NR3C2: variants seen among roughly 807,000 people sequenced by gnomAD.
NR3C2 encodes mineralocorticoid receptor.
Under a neutral mutation model 86.4 loss-of-function variants are expected in NR3C2, and 15 were observed. The observed-to-expected ratio is 0.17, with a 90% confidence interval of 0.12 to 0.27. NR3C2 has a LOEUF of 0.27. Ranked by LOEUF, NR3C2 falls within the 10% of genes least tolerant of loss-of-function variation. The probability of loss-of-function intolerance (pLI) is 1.00; values close to 1 mark genes in which losing one functional copy is unlikely to be tolerated. For missense variants in NR3C2, 960 were observed against 1,195.6 expected (o/e 0.80, Z 2.91); for synonymous variants, 458 against 450.5 (o/e 1.02, Z -0.21).
At chr4:148,120,571 G>A (rs1732467551) in intron 6 of NR3C2, among the ~76,000 whole-genome samples, 1 of 152,202 alleles carries the variant, frequency 6.6e-6, no homozygotes, top group African/African-American at 2.4e-5. Flanking sequence ...TTTATGTCAA[G>A]AGTAATACTG....
intron 3 of NR3C2, chr4:148,208,543 C>T (rs984438983): frequency 6.6e-6 from 1 of 152,332 alleles, no homozygotes; most frequent in African/African-American, 2.4e-5. Flanking sequence ...CCCTGACTCC[C>T]TCGAAAGCCC....
chr4:148,206,928 C>CTT lies in NR3C2; in HGVS notation c.1898-12068_1898-12067dup, dbSNP rs772221588. Reference sequence around the variant, plus strand: ...TCTTATGTTTAATGTTTATGATAATCTTTTTTTTTTTGAGATAGGGTCTTT... The same window carrying CTT: ...TCTTATGTTTAATGTTTATGATAATCTTTTTTTTTTTTTGAGATAGGGTCTTT... On this transcript the variant is annotated intron_variant, in intron 3 of 8. Coordinates refer to ENST00000358102, the MANE Select transcript of NR3C2 (RefSeq NM_000901.5). Among the ~76,000 whole-genome samples the CTT allele has an allele frequency of 1.7e-4, 25 of 147,230 alleles. No homozygotes were observed. The South Asian group carries it at 3.3e-3, about 19-fold the overall frequency.
chr4:148,167,524 G>A (rs973318576), intron 4 of NR3C2, among the ~76,000 whole-genome samples: 1 of 152,014 alleles, frequency 6.6e-6, no homozygotes, highest in Non-Finnish European at 1.5e-5. Flanking sequence ...GATCATAGAG[G>A]ATAAAGATCA....
chr4:148,322,003 G>C (rs1343141117), intron 2 of NR3C2, among the ~76,000 whole-genome samples: 1 of 152,170 alleles, frequency 6.6e-6, no homozygotes, highest in East Asian at 1.9e-4. Context: ...GCATGATTTT[G>C]CAGCGGCTGG....
At chr4:148,372,836 T>C (rs950403966) in intron 2 of NR3C2, among the ~76,000 whole-genome samples, 2 of 152,226 alleles carry the variant, frequency 1.3e-5, no homozygotes, top group Admixed American at 6.5e-5. Context: ...TCAGATAGTT[T>C]AACCCCTTTT....
intron 6 of NR3C2, among the ~76,000 whole-genome samples, chr4:148,131,882 A>G (rs1157068216): frequency 2.0e-5 from 3 of 152,318 alleles, no homozygotes; most frequent in Non-Finnish European, 2.9e-5. Context: ...TCAAATATCC[A>G]CTGACTTTAA....
intron 2 of NR3C2, among the ~76,000 whole-genome samples, chr4:148,369,728 T>C (rs181624623): frequency 4.5e-4 from 68 of 152,360 alleles, no homozygotes; most frequent in African/African-American, 1.6e-3. Flanking sequence ...GAGACATCTA[T>C]GTGCCCCTCT....
chr4:148,379,249 T>C (rs17484783), intron 2 of NR3C2, among the ~76,000 whole-genome samples: 12,346 of 148,692 alleles, frequency 0.083, 685 homozygotes, highest in Middle Eastern at 0.13. Context: ...GTAAATCAAG[T>C]GTTTTTTTTT....
intron 2 of NR3C2, among the ~76,000 whole-genome samples, chr4:148,318,829 C>A (rs9685254): frequency 6.6e-6 from 1 of 152,028 alleles, no homozygotes; most frequent in African/African-American, 2.4e-5. Flanking sequence ...TGTAGGTTGC[C>A]TGATCACTCT....
chr4:148,425,657 A>C (rs1749494469), intron 2 of NR3C2, among the ~76,000 whole-genome samples: 2 of 152,220 alleles, frequency 1.3e-5, no homozygotes, highest in South Asian at 4.1e-4. Context: ...AGTGTCTTAC[A>C]GACCCTAAAT....
chr4:148,257,982 T>C (rs1240947518), intron 3 of NR3C2, among the ~76,000 whole-genome samples: 1 of 152,204 alleles, frequency 6.6e-6, no homozygotes, highest in African/African-American at 2.4e-5. Flanking sequence ...TGTTTATAAC[T>C]GAGTTATAAA....
chr4:148,231,780 A>G (rs554596532), intron 3 of NR3C2, among the ~76,000 whole-genome samples: 10 of 152,326 alleles, frequency 6.6e-5, no homozygotes, highest in Admixed American at 5.9e-4. Flanking sequence ...AATCCTCTCA[A>G]TCTCTACCAC....
chr4:148,340,325 T>A (rs1744690389), intron 2 of NR3C2, among the ~76,000 whole-genome samples: 1 of 151,870 alleles, frequency 6.6e-6, no homozygotes, highest in Non-Finnish European at 1.5e-5. Flanking sequence ...CATGGACCAA[T>A]GAAAAAGAAT....
chr4:148,415,577 C>G (rs1170049794), intron 2 of NR3C2, among the ~76,000 whole-genome samples: 1 of 152,136 alleles, frequency 6.6e-6, no homozygotes, highest in Non-Finnish European at 1.5e-5. Context: ...GCAGCATTCT[C>G]AGGGGGCATG....
chr4:148,376,298 A>G (rs894771397), intron 2 of NR3C2, among the ~76,000 whole-genome samples: 1 of 152,172 alleles, frequency 6.6e-6, no homozygotes, highest in African/African-American at 2.4e-5. Flanking sequence ...AGTTTACAGT[A>G]TTTAAAAAAA....
intron 2 of NR3C2, among the ~76,000 whole-genome samples, chr4:148,317,355 CAA>C (rs59556447): frequency 4.6e-5 from 5 of 108,802 alleles, no homozygotes; most frequent in African/African-American, 6.1e-5. Context: ...AACTCTGTCT[CAA>C]AAAAAAAAAG....
chr4:148,280,205 T>C (rs1181240611), intron 2 of NR3C2, among the ~76,000 whole-genome samples: 2 of 152,246 alleles, frequency 1.3e-5, no homozygotes, highest in South Asian at 4.1e-4. Context: ...TTAAAAGAAA[T>C]CTTAAAGCAT....
At chr4:148,280,917 G>A (rs951080709) in intron 2 of NR3C2, among the ~76,000 whole-genome samples, 2 of 152,156 alleles carry the variant, frequency 1.3e-5, no homozygotes, top group African/African-American at 2.4e-5. Context: ...TCTTTTAGAC[G>A]AATCTTTATT....
intron 2 of NR3C2, among the ~76,000 whole-genome samples, chr4:148,417,650 T>C (rs1164609978): frequency 6.6e-6 from 1 of 152,214 alleles, no homozygotes; most frequent in Non-Finnish European, 1.5e-5. Flanking sequence ...CAAAAACATC[T>C]CAAACACGAA....
Sources: gnomAD v4.1 joint callset for allele counts (sites outside exome capture counted in the v4.1 genomes callset) on GRCh38, gnomAD v4.1.1 for gene constraint, MANE v1.5 for transcripts, NCBI Gene and HGNC (gene_info 2026-07-23, HGNC 2026-07-21) for gene names.